Variants in GLIS3 observed in about 807,000 individuals in gnomAD.
The protein encoded by GLIS3 is zinc finger protein GLIS3.
A neutral mutation model predicts 78.6 loss-of-function variants in GLIS3; 53 were observed. That is an observed-to-expected ratio of 0.67 (90% CI 0.54 to 0.85). The LOEUF is 0.85. Ranked by LOEUF, GLIS3 falls within the 40% of genes least tolerant of loss-of-function variation. The pLI, the probability that GLIS3 is intolerant of heterozygous loss-of-function variation, is 0.00. For missense variants in GLIS3, 1,703 were observed against 1,231.1 expected (o/e 1.38, Z -5.74); for synonymous variants, 684 against 509.9 (o/e 1.34, Z -4.60).
chr9:4,091,656 A>T (rs1006983441), intron 4 of GLIS3, among the ~76,000 whole-genome samples: 3 of 152,064 alleles, frequency 2.0e-5, no homozygotes, highest in Non-Finnish European at 4.4e-5. Flanking sequence ...ACGTATGGCG[A>T]GCATCCCCCT....
At chr9:3,844,445 A>G (rs2130108519) in intron 9 of GLIS3, among the ~76,000 whole-genome samples, 2 of 152,324 alleles carry the variant, frequency 1.3e-5, no homozygotes, top group Middle Eastern at 6.8e-3. Flanking sequence ...AGTTCCCTTC[A>G]TTAGAGGCCA....
chr9:3,837,675 G>A (rs932049491), intron 9 of GLIS3, among the ~76,000 whole-genome samples: 8 of 152,146 alleles, frequency 5.3e-5, no homozygotes, highest in Admixed American at 2.6e-4. Flanking sequence ...AAGCCAATCC[G>A]AAAAGGCTAC....
intron 6 of GLIS3, among the ~76,000 whole-genome samples, chr9:3,902,645 C>A (rs2380908): frequency 6.6e-6 from 1 of 151,966 alleles, no homozygotes; most frequent in African/African-American, 2.4e-5. Context: ...CCCAGAGCTG[C>A]TCATTCAGTA....
chr9:4,213,032 C>A (rs535883148), intron 2 of GLIS3, among the ~76,000 whole-genome samples: 87 of 152,124 alleles, frequency 5.7e-4, no homozygotes, highest in Non-Finnish European at 1.1e-3. Context: ...GGAGAAGAGG[C>A]AGAAGCTGCC....
chr9:3,891,093 AAGT>A (rs1441175901), intron 7 of GLIS3, among the ~76,000 whole-genome samples: 1 of 145,436 alleles, frequency 6.9e-6, no homozygotes, highest in African/African-American at 2.5e-5. Context: ...AAGAAGAAGA[AAGT>A]AGGAGGAAGA....
intron 2 of GLIS3, among the ~76,000 whole-genome samples, chr9:4,339,209 G>T (rs920647836): frequency 1.3e-5 from 2 of 152,198 alleles, no homozygotes. Flanking sequence ...GTCACATGAA[G>T]CCAGTCCTCA....
chr9:4,151,353 T>G (rs1194099916), intron 2 of GLIS3, among the ~76,000 whole-genome samples: 2 of 152,190 alleles, frequency 1.3e-5, no homozygotes, highest in Non-Finnish European at 2.9e-5. Context: ...AAACTATATG[T>G]TTTAGCAGAA....
intron 9 of GLIS3, among the ~76,000 whole-genome samples, chr9:3,837,808 C>T (rs551389452): frequency 1.1e-4 from 17 of 152,240 alleles, no homozygotes; most frequent in East Asian, 1.9e-4. Context: ...GAAGCTATTC[C>T]GTATGATGCT....
intron 4 of GLIS3, among the ~76,000 whole-genome samples, chr9:3,942,021 C>A (rs932706827): frequency 1.2e-4 from 19 of 152,066 alleles, no homozygotes; most frequent in African/African-American, 4.3e-4. Flanking sequence ...TCATTAGACA[C>A]CATTAAAATA....
chr9:3,855,647 C>T (rs1819732300), intron 9 of GLIS3: 1 of 340,500 alleles, frequency 2.9e-6, no homozygotes, highest in South Asian at 2.4e-5. Flanking sequence ...AGAATGAGAG[C>T]AAAAACCTAG....
chr9:4,437,241 AC>A, the GLIS3 span, among the ~76,000 whole-genome samples: 5 of 152,092 alleles, frequency 3.3e-5, no homozygotes, highest in Non-Finnish European at 7.4e-5. Flanking sequence ...TGATTGCTGG[AC>A]CCCCAACTGC....
chr9:3,995,817 G>C (rs1254157183), intron 4 of GLIS3, among the ~76,000 whole-genome samples: 1 of 152,068 alleles, frequency 6.6e-6, no homozygotes, highest in Non-Finnish European at 1.5e-5. Context: ...ACAGAAGGTA[G>C]ATATAAAACA....
chr9:4,225,777 T>C (rs922743670), intron 2 of GLIS3, among the ~76,000 whole-genome samples: 2 of 152,184 alleles, frequency 1.3e-5, no homozygotes, highest in African/African-American at 4.8e-5. Flanking sequence ...TCTTGAGACC[T>C]TGAATAAACC....
the GLIS3 span, among the ~76,000 whole-genome samples, chr9:4,381,141 A>C: frequency 4.9e-4 from 74 of 152,220 alleles, no homozygotes; most frequent in Non-Finnish European, 9.0e-4. Context: ...AACAGTAAAA[A>C]TGTGAATGAC....
chr9:4,251,252 T>C (rs1824347690), intron 2 of GLIS3, among the ~76,000 whole-genome samples: 2 of 152,194 alleles, frequency 1.3e-5, no homozygotes, highest in African/African-American at 4.8e-5. Flanking sequence ...CGTCTCTTTG[T>C]AGGTCTCTAA....
At chr9:3,968,032 C>G (rs1818089531) in intron 4 of GLIS3, among the ~76,000 whole-genome samples, 1 of 152,228 alleles carries the variant, frequency 6.6e-6, no homozygotes, top group South Asian at 2.1e-4. Context: ...CTCATCCCTT[C>G]CTTTTCGCCA....
At chr9:4,285,139 AT>A (rs1827877131) in intron 2 of GLIS3, among the ~76,000 whole-genome samples, 1 of 152,232 alleles carries the variant, frequency 6.6e-6, no homozygotes, top group South Asian at 2.1e-4. Context: ...CATTTTTAAC[AT>A]AAACATTTAA....
At position 4,299,863 on chromosome 9, in the gene GLIS3, G is replaced by A. The variant is rs536360172; in HGVS notation, c.-541C>T. 1 of 152,458 alleles carries A rather than the reference G, an allele frequency of 6.6e-6. No homozygotes were observed. Among genetic ancestry groups the A allele is most frequent in the South Asian group, 2.1e-4 (1 of 4,828 alleles). 9.4% of individuals were successfully genotyped at this position (152,458 alleles called of 1,614,324 possible). ...GGATGCTGGCTAATTGCTGCCGGCG[G>A]GTTCCGTCGCCGGTGTGACCCTGGA... On this transcript the variant is annotated 5_prime_UTR_variant, in exon 1 of 11. Coordinates refer to ENST00000381971, the MANE Select transcript of GLIS3 (RefSeq NM_001042413.2).
chr9:4,415,003 TC>T, the GLIS3 span, among the ~76,000 whole-genome samples: 1 of 152,214 alleles, frequency 6.6e-6, no homozygotes, highest in Non-Finnish European at 1.5e-5. Context: ...TATACAGAGT[TC>T]TTTTTTTTCC....
Sources: allele counts gnomAD v4.1 joint callset (sites outside exome capture counted in the v4.1 genomes callset), GRCh38; gene constraint gnomAD v4.1.1; transcripts MANE v1.5; gene names NCBI Gene and HGNC (gene_info 2026-07-23, HGNC 2026-07-21).